EMCN: variants seen among roughly 807,000 people sequenced by gnomAD.
EMCN encodes the protein endomucin, also known as MUC-14.
A neutral mutation model predicts 38.4 loss-of-function variants in EMCN; 37 were observed. The ratio of observed to expected loss-of-function variants is 0.96; its 90% CI spans 0.74 to 1.27. EMCN has a LOEUF of 1.27. Among genes scored for constraint, EMCN ranks in the 50% most tolerant of loss-of-function variants. The probability of loss-of-function intolerance (pLI) is 0.00; values close to 1 mark genes in which losing one functional copy is unlikely to be tolerated. For synonymous variants in EMCN, 95 were observed against 100.8 expected (o/e 0.94, Z 0.35); for missense variants, 318 against 302.8 (o/e 1.05, Z -0.37).
intron 11 of EMCN, among the ~76,000 whole-genome samples, chr4:100,399,146 C>A (rs913109830): frequency 2.6e-5 from 4 of 152,120 alleles, no homozygotes; most frequent in Non-Finnish European, 2.9e-5. Flanking sequence ...GGTAGCCAAG[C>A]CTTTGGTTTA....
chr4:100,464,946 G>A (rs772925702), intron 4 of EMCN, among the ~76,000 whole-genome samples: 8 of 151,974 alleles, frequency 5.3e-5, no homozygotes, highest in Non-Finnish European at 1.0e-4. Context: ...GGAAGAGTTG[G>A]TATGATTTAT....
Position 100,482,120 on chromosome 4 carries a change from A to G in EMCN, c.65-2081T>C, listed in dbSNP as rs113000261. Among the ~76,000 whole-genome samples, 423 of 152,292 alleles carry G rather than the reference A, an allele frequency of 2.8e-3. 2 individuals are homozygous for G. Among genetic ancestry groups the G allele is most frequent in the African/African-American group, 9.8e-3 (408 of 41,570 alleles). On this transcript the variant is annotated intron_variant, in intron 1 of 11. Transcript: ENST00000296420. ...CAATAAATAATAATGTATATCATAT[A>G]TGGGTTGTATAAACCAGTGTTTTTC...
At chr4:100,455,484 T>C (rs1284526037) in intron 4 of EMCN, among the ~76,000 whole-genome samples, 1 of 151,372 alleles carries the variant, frequency 6.6e-6, no homozygotes, top group African/African-American at 2.4e-5. Flanking sequence ...TCTGAAAAAA[T>C]ATTTACAGAA....
chr4:100,491,546 A>G (rs1324537332), intron 1 of EMCN, among the ~76,000 whole-genome samples: 1 of 152,194 alleles, frequency 6.6e-6, no homozygotes, highest in African/African-American at 2.4e-5. Context: ...GTGCAATTCT[A>G]CAGAGCAAAG....
intron 4 of EMCN, among the ~76,000 whole-genome samples, chr4:100,452,438 G>C (rs1337883981): frequency 6.6e-6 from 1 of 151,960 alleles, no homozygotes; most frequent in South Asian, 2.1e-4. Flanking sequence ...ACCCTTAAAG[G>C]TGTTCCTATC....
intron 5 of EMCN, among the ~76,000 whole-genome samples, chr4:100,437,787 T>C (rs920057285): frequency 2.6e-5 from 4 of 152,164 alleles, no homozygotes; most frequent in Admixed American, 6.5e-5. Flanking sequence ...GCCAGCACCA[T>C]ATTGTTTTAT....
intron 2 of EMCN, among the ~76,000 whole-genome samples, chr4:100,476,162 T>TCTCCCTCC (rs142508833): frequency 6.8e-6 from 1 of 147,638 alleles, no homozygotes. Context: ...TAATGGTCTT[T>TCTCCCTCC]CTCCCTCCCT....
chr4:100,421,846 G>T (rs568435098), intron 7 of EMCN, among the ~76,000 whole-genome samples: 1 of 151,940 alleles, frequency 6.6e-6, no homozygotes, highest in Non-Finnish European at 1.5e-5. Flanking sequence ...ACTAGAAAAG[G>T]CATAAAATAA....
At chr4:100,510,383 C>A (rs1267087782) in intron 1 of EMCN, among the ~76,000 whole-genome samples, 1 of 152,142 alleles carries the variant, frequency 6.6e-6, no homozygotes, top group Non-Finnish European at 1.5e-5. Flanking sequence ...TGGCAGTCAT[C>A]TTACAACAGT....
At chr4:100,442,279 T>C (rs568240213) in intron 5 of EMCN, among the ~76,000 whole-genome samples, 231 of 152,312 alleles carry the variant, frequency 1.5e-3, no homozygotes, top group Non-Finnish European at 2.9e-3. Flanking sequence ...GCAATTCCTT[T>C]ACATGTGATT....
chr4:100,503,609 TG>T (rs1729405218), intron 1 of EMCN, among the ~76,000 whole-genome samples: 1 of 152,094 alleles, frequency 6.6e-6, no homozygotes, highest in African/African-American at 2.4e-5. Flanking sequence ...GACAGGGTTT[TG>T]CTCTGTCACC....
Position 100,475,020 on chromosome 4 carries a change from A to G in EMCN, c.259+18T>C. 7.2e-7 allele frequency: 1 copy of G among 1,383,522 alleles called. No individual in the cohort carries two copies. Among genetic ancestry groups the G allele is most frequent in the Non-Finnish European group, 9.9e-7 (1 of 1,006,818 alleles). The allele number at this position is 1,383,522 out of a possible 1,614,324, so 85.7% of individuals were successfully genotyped here. On this transcript the variant is annotated intron_variant, in intron 3 of 11. Coordinates refer to ENST00000296420, the MANE Select transcript of EMCN (RefSeq NM_016242.4). ...TTATATATTTTTTAAAATTGTAGAAAAATGAATCATTACTCACCTTCATCT... is the reference window on the plus strand; with the variant it reads ...TTATATATTTTTTAAAATTGTAGAAGAATGAATCATTACTCACCTTCATCT...
intron 6 of EMCN, 114 bp downstream of exon 6, chr4:100,423,198 A>G: frequency 7.5e-7 from 1 of 1,333,592 alleles, no homozygotes. Flanking sequence ...TGCAAGTGCA[A>G]AAGATTCAGT....
chr4:100,417,060 T>G (rs3733437), intron 9 of EMCN, 57 bp downstream of exon 9: 6 of 1,547,928 alleles, frequency 3.9e-6, no homozygotes, highest in Non-Finnish European at 5.3e-6. Flanking sequence ...AGAGTAACAA[T>G]AATTTTCACT....
chr4:100,475,571 T>C (rs1201225903), intron 2 of EMCN, among the ~76,000 whole-genome samples: 1 of 150,402 alleles, frequency 6.6e-6, no homozygotes, highest in South Asian at 2.1e-4. Flanking sequence ...TAAATGAACA[T>C]ACATCATGAA....
At chr4:100,473,241 G>A (rs1203218896) in intron 3 of EMCN, among the ~76,000 whole-genome samples, 1 of 150,094 alleles carries the variant, frequency 6.7e-6, no homozygotes, top group Non-Finnish European at 1.5e-5. Flanking sequence ...TGGTTAGGCT[G>A]GTCTTGAACT....
At chr4:100,422,822 C>CTTTTTTTTTTTTTTTTTTTTTTTTTTTTT (rs71878999) in intron 7 of EMCN, among the ~76,000 whole-genome samples, 199 bp downstream of exon 7, 1 of 122,654 alleles carries the variant, frequency 8.2e-6, no homozygotes, top group Non-Finnish European at 1.9e-5. Context: ...TCTTTCTTTT[C>CTTTTTTTTTTTTTTTTTTTTTTTTTTTTT]TTTTTTTTTT....
At chr4:100,510,796 G>A (rs1250285860) in intron 1 of EMCN, among the ~76,000 whole-genome samples, 2 of 152,138 alleles carry the variant, frequency 1.3e-5, no homozygotes, top group African/African-American at 2.4e-5. Context: ...CATTATAAAC[G>A]TGACACCAAG....
intron 5 of EMCN, among the ~76,000 whole-genome samples, chr4:100,446,555 G>C (rs1727679212): frequency 6.6e-6 from 1 of 151,760 alleles, no homozygotes; most frequent in African/African-American, 2.4e-5. Flanking sequence ...GAACCTATAG[G>C]TTTATTTCAT....
Sources: allele counts gnomAD v4.1 joint callset (sites outside exome capture counted in the v4.1 genomes callset), GRCh38; gene constraint gnomAD v4.1.1; transcripts MANE v1.5; gene names NCBI Gene and HGNC (gene_info 2026-07-23, HGNC 2026-07-21).